The following DCAF5 variants were observed in gnomAD, a reference collection of about 807,000 sequenced individuals.
The protein encoded by DCAF5 is DDB1- and CUL4-associated factor 5.
Under a neutral mutation model 80.7 loss-of-function variants are expected in DCAF5, and 9 were observed. The observed-to-expected ratio is 0.11, with a 90% CI of 0.07 to 0.19. The LOEUF is 0.19. Ranked by LOEUF, DCAF5 falls within the 10% of genes least tolerant of loss-of-function variation. The probability of loss-of-function intolerance (pLI) is 1.00; values close to 1 mark genes in which losing one functional copy is unlikely to be tolerated. For missense variants in DCAF5, 842 were observed against 1,205.7 expected (o/e 0.70, Z 4.47); for synonymous variants, 433 against 461.9 (o/e 0.94, Z 0.80).
chr14:69,068,627 G>C (rs1204520887), intron 7 of DCAF5, among the ~76,000 whole-genome samples: 1 of 148,280 alleles, frequency 6.7e-6, no homozygotes, highest in Non-Finnish European at 1.5e-5. Flanking sequence ...GAACCTAGGA[G>C]ACAGAAGTTG....
chr14:69,117,320 C>A (rs994915774), intron 4 of DCAF5, among the ~76,000 whole-genome samples: 2 of 152,154 alleles, frequency 1.3e-5, no homozygotes, highest in African/African-American at 4.8e-5. Context: ...ACCTGCCTAA[C>A]CCTAAAAACA....
At chr14:69,105,921 A>ATC (rs1331771938) in intron 5 of DCAF5, among the ~76,000 whole-genome samples, 3 of 71,738 alleles carry the variant, frequency 4.2e-5, no homozygotes, top group African/African-American at 2.1e-4. Context: ...TGTCATATAT[A>ATC]TATATATATA....
intron 1 of DCAF5, among the ~76,000 whole-genome samples, chr14:69,140,197 G>A (rs189460193): frequency 1.3e-5 from 2 of 152,072 alleles, no homozygotes; most frequent in Non-Finnish European, 2.9e-5. Flanking sequence ...AACCCGGGAG[G>A]CGGAGGTTGC....
intron 1 of DCAF5, among the ~76,000 whole-genome samples, chr14:69,139,907 G>A (rs2140110975): frequency 6.7e-6 from 1 of 149,782 alleles, no homozygotes; most frequent in South Asian, 2.1e-4. Context: ...AAAGGAGAAA[G>A]AAAGAGAAGG....
chr14:69,114,619 T>G (rs1389069410), intron 5 of DCAF5, among the ~76,000 whole-genome samples: 1 of 152,198 alleles, frequency 6.6e-6, no homozygotes. Flanking sequence ...ACTGTACTGA[T>G]AGACAAACAT....
At chr14:69,059,310 T>G (rs558532910) in intron 8 of DCAF5, among the ~76,000 whole-genome samples, 5 of 152,274 alleles carry the variant, frequency 3.3e-5, no homozygotes, top group Admixed American at 2.6e-4. Flanking sequence ...ATAGGGACTC[T>G]TCTCCTAGCC....
intron 7 of DCAF5, among the ~76,000 whole-genome samples, chr14:69,074,337 TTGAGCACA>T (rs1415128797): frequency 9.2e-5 from 14 of 152,006 alleles, no homozygotes; most frequent in Non-Finnish European, 1.3e-4. Context: ...GTAACACTCA[TTGAGCACA>T]TGAAGACACT....
chr14:69,103,393 A>T (rs1377246352), intron 5 of DCAF5, among the ~76,000 whole-genome samples: 1 of 152,230 alleles, frequency 6.6e-6, no homozygotes, highest in Non-Finnish European at 1.5e-5. Flanking sequence ...GGACAGTTTT[A>T]AAAGGAGAAC....
intron 5 of DCAF5, among the ~76,000 whole-genome samples, chr14:69,102,107 C>CTTT (rs141874345): frequency 9.8e-5 from 13 of 133,014 alleles, no homozygotes; most frequent in Non-Finnish European, 1.6e-4. Context: ...TTTACTATAA[C>CTTT]TTTTTTTTTT....
At chr14:69,067,337 CTTTTTTTT>C (rs58620965) in intron 7 of DCAF5, among the ~76,000 whole-genome samples, 8,465 of 115,210 alleles carry the variant, frequency 0.073, 810 homozygotes, top group African/African-American at 0.28. Flanking sequence ...GATTTCGTAT[CTTTTTTTT>C]TTTTTTTTTT....
chr14:69,080,932 A>C (rs2039075701), intron 6 of DCAF5, among the ~76,000 whole-genome samples: 1 of 152,198 alleles, frequency 6.6e-6, no homozygotes, highest in Admixed American at 6.5e-5. Context: ...GCCTTCTCTA[A>C]GTTATTTTTT....
In DCAF5 at chr14:69,054,453, G is replaced by A; in HGVS notation, c.2233C>T (p.Pro745Ser). The change falls in exon 9 of 9, where the codon CCA becomes TCA. Residue 745 changes from proline (P) to serine (S), a missense_variant. Pro to Ser is a moderately conservative substitution (Grantham distance 74, BLOSUM62 -1). Coordinates refer to ENST00000341516, the MANE Select transcript of DCAF5 (RefSeq NM_003861.3). ...GCATGGCTGCTGTGCTCATGGCCTG[G>A]GCCATTGCTGGGAGTTCTAGGAGTC... is the stretch of plus-strand genomic sequence containing the variant. ...EETPRTPSNG[P>S]GHEHSSHAWA... 1.2e-6 allele frequency: 2 copies of A among 1,614,032 alleles called. No individual in the cohort carries two copies. Among genetic ancestry groups the A allele is most frequent in the African/African-American group, 1.3e-5 (1 of 75,066 alleles).
chr14:69,077,426 CA>C (rs1390745003), intron 6 of DCAF5, among the ~76,000 whole-genome samples: 1 of 150,326 alleles, frequency 6.7e-6, no homozygotes, highest in African/African-American at 2.5e-5. Flanking sequence ...CTCTGTCACC[CA>C]GGCTGGAGTG....
chr14:69,084,826 T>C, intron 6 of DCAF5: 4 of 1,073,240 alleles, frequency 3.7e-6, no homozygotes, highest in Non-Finnish European at 5.7e-6. Context: ...TGTGTACAGA[T>C]GTGGCAGCAA....
chr14:69,098,906 A>G (rs1215763330), intron 5 of DCAF5, among the ~76,000 whole-genome samples: 1 of 149,584 alleles, frequency 6.7e-6, no homozygotes, highest in East Asian at 2.0e-4. Context: ...AAAAAAAAAA[A>G]AAAAAAAAAG....
intron 5 of DCAF5, among the ~76,000 whole-genome samples, chr14:69,113,275 C>G (rs1311117446): frequency 6.6e-6 from 1 of 152,122 alleles, no homozygotes; most frequent in Non-Finnish European, 1.5e-5. Context: ...CCTGAATTCA[C>G]CCACATGCCT....
At chr14:69,113,893 GC>G (rs1373515067) in intron 5 of DCAF5, among the ~76,000 whole-genome samples, 4 of 152,074 alleles carry the variant, frequency 2.6e-5, no homozygotes, top group African/African-American at 4.8e-5. Flanking sequence ...AGTCCCCATG[GC>G]ACTATGCTCC....
In DCAF5 at chr14:69,072,622, TTAA is replaced by T. The variant is rs1441498420; in HGVS notation, c.946+2720_946+2722del. Among the ~76,000 whole-genome samples, 7 of 31,214 alleles carry T rather than the reference TTAA, an allele frequency of 2.2e-4. 1 individual carries two copies. The highest frequency in any genetic ancestry group is 1.2e-3 in the South Asian group (1 of 808). 20.5% of individuals were successfully genotyped at this position (31,214 alleles called of 152,430 possible). ...TGGGCAACATAGCGAGACCCTGACT[TTAA>T]AAAAAAAAAAAAAAAAAAAACGAGA... On this transcript the variant is annotated intron_variant, in intron 7 of 8. Coordinates refer to ENST00000341516, the MANE Select transcript of DCAF5 (RefSeq NM_003861.3).
chr14:69,113,385 G>C (rs1172301391), intron 5 of DCAF5, among the ~76,000 whole-genome samples: 1 of 152,084 alleles, frequency 6.6e-6, no homozygotes, highest in African/African-American at 2.4e-5. Context: ...TTATCCTTTT[G>C]GAGTCAAGGG....
Sources: gnomAD v4.1 joint callset for allele counts (sites outside exome capture counted in the v4.1 genomes callset) on GRCh38, gnomAD v4.1.1 for gene constraint, MANE v1.5 for transcripts, NCBI Gene and HGNC (gene_info 2026-07-23, HGNC 2026-07-21) for gene names.